Variants in KRT84 observed in about 807,000 individuals in gnomAD.
KRT84 encodes the protein keratin 84.
Under a neutral mutation model 49.0 loss-of-function variants are expected in KRT84, and 38 were observed. That is an observed-to-expected ratio of 0.78 (90% CI 0.60 to 1.02). The LOEUF (loss-of-function observed/expected upper bound fraction) is 1.02. KRT84 is among the 50% of genes least tolerant of loss of function. KRT84 has a pLI of 0.00. For synonymous variants in KRT84, 334 were observed against 312.8 expected, an observed-to-expected ratio of 1.07 and a Z score of -0.72; for missense variants, 860 against 788.6, an observed-to-expected ratio of 1.09 and a Z score of -1.08.
intron 8 of KRT84, 56 bp from the exon 9 acceptor site, chr12:52,378,436 T>C: frequency 7.4e-7 from 1 of 1,350,236 alleles, no homozygotes; most frequent in Non-Finnish European, 9.7e-7. Flanking sequence ...TCCACCTCCA[T>C]GCTACCCCTG....
Position 52,381,358 on chromosome 12 carries a change from C to A in KRT84, c.1077+3G>T, listed in dbSNP as rs757195974. On this transcript the variant is annotated splice_donor_region_variant and intron_variant, in intron 5 of 8. Coordinates refer to ENST00000257951, the MANE Select transcript of KRT84 (RefSeq NM_033045.4). ...CATCCCTTCCCCAGCCTCCACTGCC[C>A]ACCTTGGTCTGGTACCAGGCCTCAG... is the stretch of plus-strand genomic sequence containing the variant. 6.2e-7 allele frequency: 1 copy of A among 1,614,172 alleles called. No individual in the cohort carries two copies. Among genetic ancestry groups the A allele is most frequent in the Non-Finnish European group, 8.5e-7 (1 of 1,180,026 alleles).
intron 6 of KRT84, among the ~76,000 whole-genome samples, 193 bp from the exon 7 acceptor site, chr12:52,380,776 T>C (rs1008881349): frequency 1.1e-4 from 16 of 152,214 alleles, no homozygotes; most frequent in Non-Finnish European, 1.9e-4. Context: ...TGCTGTTGTT[T>C]CCATCCCCAC....
chr12:52,379,379 C>T (rs1390330079), intron 8 of KRT84, among the ~76,000 whole-genome samples: 4 of 152,188 alleles, frequency 2.6e-5, no homozygotes, highest in South Asian at 2.1e-4. Flanking sequence ...TTCTAGAGAG[C>T]GTGGGCTGGG....
intron 3 of KRT84, 116 bp downstream of exon 3, chr12:52,382,889 G>A: frequency 1.2e-6 from 1 of 822,600 alleles, no homozygotes; most frequent in Non-Finnish European, 2.1e-6. Flanking sequence ...TGTCTCCACT[G>A]TCTTGATGTG....
At position 52,385,511 on chromosome 12, in the gene KRT84, T is replaced by C. The variant is rs561294892; in HGVS notation, c.75A>G (p.Pro25=). Reference sequence around the variant, plus strand: ...TGGCCCGGAAGCGATTCAGGTTCTGTGGTGTCATTGCTGAACAAGAGCTGA... The same window carrying C: ...TGGCCCGGAAGCGATTCAGGTTCTGCGGTGTCATTGCTGAACAAGAGCTGA... ...GNFSSCSAMT[P]QNLNRFRANS... The change falls in exon 1 of 9, where the codon CCA becomes CCG. Residue 25 remains proline (P), a synonymous_variant. Transcript: ENST00000257951. 6.2e-7 allele frequency: 1 copy of C among 1,614,186 alleles called. No individual in the cohort carries two copies. The highest frequency in any genetic ancestry group is 2.2e-5 in the East Asian group (1 of 44,876).
At position 52,385,546 on chromosome 12, in the gene KRT84, C is replaced by T; in HGVS notation, c.40G>A (p.Val14Met). The change falls in exon 1 of 9, where the codon GTG becomes ATG. Residue 14 changes from valine to methionine, a missense_variant. Physicochemically the swap from Val to Met is conservative, Grantham distance 21 (BLOSUM62 1). Coordinates refer to ENST00000257951, the MANE Select transcript of KRT84 (RefSeq NM_033045.4). ...GCTGAACAAGAGCTGAAGTTGCCCA[C>T]CCGGTGACCAGAGCTGACTCGGTAG... ...RSYRVSSGHR[V>M]GNFSSCSAMT... The T allele has an allele frequency of 6.2e-7, 1 of 1,614,076 alleles. No individual in the cohort carries two copies. Among genetic ancestry groups the T allele is most frequent in the Non-Finnish European group, 8.5e-7 (1 of 1,180,034 alleles).
At chr12:52,381,262 C>G in intron 5 of KRT84, 57 bp from the exon 6 acceptor site, 2 of 1,610,366 alleles carry the variant, frequency 1.2e-6, no homozygotes, top group Non-Finnish European at 1.7e-6. Context: ...ATCACAGCCC[C>G]CACTGAGTTG....
At position 52,383,688 on chromosome 12, in the gene KRT84, G is replaced by A. The variant is rs1165304758; in HGVS notation, c.657C>T (p.Thr219=). Reference sequence around the variant, plus strand: ...GCACCTCCAACTGCCTCCGCAGGTTGGTGATGTAGCTCTCGAAGAGTGGCT... The same window carrying A: ...GCACCTCCAACTGCCTCCGCAGGTTAGTGATGTAGCTCTCGAAGAGTGGCT... ...NLEPLFESYI[T]NLRRQLEVLV... Residue 219 remains threonine (T), a synonymous_variant, in exon 2 of 9, where the codon ACC becomes ACT. Transcript: ENST00000257951. 6.2e-7 allele frequency: 1 copy of A among 1,614,216 alleles called. No homozygotes were observed. Among genetic ancestry groups the A allele is most frequent in the African/African-American group, 1.3e-5 (1 of 75,070 alleles).
upstream of KRT84, among the ~76,000 whole-genome samples, chr12:52,386,339 G>GAGATT (rs558509948): frequency 6.1e-4 from 92 of 151,912 alleles, no homozygotes; most frequent in Admixed American, 3.7e-3. Context: ...TGAGGGTACA[G>GAGATT]AGATTACAAA....
upstream of KRT84, chr12:52,385,665 A>G (rs554995597): frequency 9.1e-6 from 12 of 1,318,660 alleles, no homozygotes; most frequent in African/African-American, 1.8e-4. Flanking sequence ...GGCCAGTGGA[A>G]CCCTTGCACC....
upstream of KRT84, among the ~76,000 whole-genome samples, chr12:52,385,979 G>T (rs1313733140): frequency 3.3e-5 from 5 of 152,184 alleles, no homozygotes; most frequent in Admixed American, 1.3e-4. Flanking sequence ...TTCACTGTGA[G>T]TGTGGCTAAC....
At position 52,385,126 on chromosome 12, in the gene KRT84, T is replaced by A; in HGVS notation, c.460A>T (p.Ile154Phe). ...TTCACCCTCTGGGCATTGGGGTCAA[T>A]CTCCAGGTTGAGGGGGGTCAGTAGG... ...KSLLTPLNLE[I>F]DPNAQRVKKD... The change falls in exon 1 of 9, where the codon ATT becomes TTT. Residue 154 changes from isoleucine to phenylalanine, a missense_variant. Physicochemically the swap from Ile to Phe is conservative, Grantham distance 21. Transcript: ENST00000257951. 3 of 1,598,754 alleles carry A rather than the reference T, an allele frequency of 1.9e-6. No individual in the cohort carries two copies. Among genetic ancestry groups the A allele is most frequent in the Non-Finnish European group, 2.6e-6 (3 of 1,172,308 alleles).
upstream of KRT84, among the ~76,000 whole-genome samples, chr12:52,386,267 A>C (rs1799223474): frequency 6.6e-6 from 1 of 152,186 alleles, no homozygotes; most frequent in African/African-American, 2.4e-5. Flanking sequence ...AGACACTCAG[A>C]GATATTCATT....
At chr12:52,379,541 G>A (rs953215742) in intron 8 of KRT84, among the ~76,000 whole-genome samples, 1 of 152,232 alleles carries the variant, frequency 6.6e-6, no homozygotes, top group Non-Finnish European at 1.5e-5. Flanking sequence ...TCCCCTGGCA[G>A]AGGCGTCCCA....
chr12:52,384,626 A>C (rs1224472988), intron 1 of KRT84, among the ~76,000 whole-genome samples: 1 of 152,238 alleles, frequency 6.6e-6, no homozygotes, highest in Non-Finnish European at 1.5e-5. Context: ...AAACTATGAA[A>C]ACTTCATAAG....
chr12:52,382,290 T>C (rs755570096), intron 4 of KRT84, 147 bp downstream of exon 4: 23 of 597,358 alleles, frequency 3.9e-5, no homozygotes, highest in South Asian at 2.2e-4. Flanking sequence ...TTTGAAGACA[T>C]ATTGGCATAT....
In KRT84 at chr12:52,382,565, G is replaced by A. The variant is rs200591928; in HGVS notation, c.817-33C>T. On this transcript the variant is annotated intron_variant, in intron 3 of 8. Transcript: ENST00000257951. ...AAACAGAGAAGGATAAATACTCATC[G>A]CCTGGGCACTGTTTCACCTTCCCAC... 4.5e-5 allele frequency: 70 copies of A among 1,539,822 alleles called. 1 individual carries two copies. The highest frequency in any genetic ancestry group is 5.9e-5 in the Non-Finnish European group (66 of 1,113,470).
In KRT84 at chr12:52,379,884, A is replaced by C. The variant is rs368281555; in HGVS notation, c.1448T>G (p.Val483Gly). ...AAAAACAAGTTTCTTACATATGTTT[A>C]CTGGTCCAACACCTTCACAGAGCCT... The part of the protein sequence containing the change: ...ESRLCEGVGP[V>G]NISVSSSRGG... The change falls in exon 8 of 9, where the codon GTA becomes GGA. Residue 483 changes from valine to glycine, a missense_variant. Physicochemically the swap from Val to Gly is moderately radical, Grantham distance 109. Transcript: ENST00000257951. 18 of 1,611,274 alleles carry C rather than the reference A, an allele frequency of 1.1e-5. No individual in the cohort carries two copies. Among genetic ancestry groups the C allele is most frequent in the Non-Finnish European group, 1.5e-5 (18 of 1,177,586 alleles).
At chr12:52,379,084 C>A (rs1414655759) in intron 8 of KRT84, among the ~76,000 whole-genome samples, 1 of 152,240 alleles carries the variant, frequency 6.6e-6, no homozygotes, top group Non-Finnish European at 1.5e-5. Context: ...TGACCACTCA[C>A]CGCCTCCATG....
Sources: gnomAD v4.1 joint callset for allele counts (sites outside exome capture counted in the v4.1 genomes callset) on GRCh38, gnomAD v4.1.1 for gene constraint, MANE v1.5 for transcripts, NCBI Gene and HGNC (gene_info 2026-07-23, HGNC 2026-07-21) for gene names.